Variants in ZFHX3 observed in about 807,000 individuals in gnomAD.
ZFHX3 encodes the protein zinc finger homeobox 3.
Under a neutral mutation model 279.1 loss-of-function variants are expected in ZFHX3, and 42 were observed. The ratio of observed to expected loss-of-function variants is 0.15; its 90% confidence interval spans 0.12 to 0.19. The LOEUF is 0.19. ZFHX3 is among the 10% of genes least tolerant of loss of function. The pLI is 1.00. For missense variants in ZFHX3, 4,981 were observed against 4,754.0 expected, an observed-to-expected ratio of 1.05 and a Z score of -1.40; for synonymous variants, 2,293 against 1,957.8, an observed-to-expected ratio of 1.17 and a Z score of -4.52.
In ZFHX3 at chr16:72,993,883, G is replaced by A. The variant is rs539831224; in HGVS notation, c.-49-33689C>T. ...TGCTGCCCGATCCCCCAATGCATTC[G>A]GGGCTGTAGAGACTCTCTGGGTTGA... On this transcript the variant is annotated intron_variant, in intron 1 of 9. Coordinates refer to ENST00000268489, the MANE Select transcript of ZFHX3 (RefSeq NM_006885.4). 2.2e-4 allele frequency among the ~76,000 whole-genome samples: 34 copies of A among 152,138 alleles called. No individual in the cohort carries two copies. The South Asian group carries it at 6.0e-3, about 27-fold the overall frequency.
chr16:73,494,860 G>A (rs1029625982), intron 2 of ZFHX3, among the ~76,000 whole-genome samples: 6 of 152,018 alleles, frequency 3.9e-5, no homozygotes, highest in African/African-American at 4.8e-5. Flanking sequence ...GAGCCTCTGC[G>A]CCCGGCAAAA....
At chr16:73,112,811 C>A (rs911996181) in intron 7 of ZFHX3, among the ~76,000 whole-genome samples, 1 of 151,200 alleles carries the variant, frequency 6.6e-6, no homozygotes, top group Non-Finnish European at 1.5e-5. Flanking sequence ...GCAGCCCAGA[C>A]CCCACCCACA....
At chr16:73,107,677 G>T (rs1047870326) in intron 7 of ZFHX3, among the ~76,000 whole-genome samples, 1 of 152,182 alleles carries the variant, frequency 6.6e-6, no homozygotes, top group African/African-American at 2.4e-5. Flanking sequence ...AGCACCACGC[G>T]TATTTGGTTT....
chr16:73,195,695 G>T (rs1020490596), intron 5 of ZFHX3, among the ~76,000 whole-genome samples: 1 of 152,152 alleles, frequency 6.6e-6, no homozygotes, highest in African/African-American at 2.4e-5. Flanking sequence ...GGGATTACAG[G>T]CGTGAGCCAC....
chr16:72,802,739 G>A (rs770743621), intron 7 of ZFHX3, among the ~76,000 whole-genome samples: 25 of 152,162 alleles, frequency 1.6e-4, no homozygotes, highest in Non-Finnish European at 3.5e-4. Flanking sequence ...AGGGCCCCAT[G>A]TCAGTTCTCA....
intron 2 of ZFHX3, among the ~76,000 whole-genome samples, chr16:73,542,054 C>T (rs1001450268): frequency 3.3e-5 from 5 of 152,136 alleles, no homozygotes; most frequent in Admixed American, 3.3e-4. Context: ...CCCACCTCGG[C>T]CTCCCAAAAT....
At chr16:73,085,985 C>CAAAAAAAAAAAAAAAAAAAAAAAATA (rs57128744) in intron 8 of ZFHX3, among the ~76,000 whole-genome samples, 1 of 54,228 alleles carries the variant, frequency 1.8e-5, no homozygotes, top group African/African-American at 6.1e-5. Context: ...AACTCAATTG[C>CAAAAAAAAAAAAAAAAAAAAAAAATA]AAAAAAAAAA....
At chr16:73,215,765 T>C (rs766118942) in intron 5 of ZFHX3, among the ~76,000 whole-genome samples, 16 of 152,218 alleles carry the variant, frequency 1.1e-4, no homozygotes, top group Non-Finnish European at 1.9e-4. Context: ...CCTGTGACTT[T>C]GTGGTTCTTT....
At position 73,449,882 on chromosome 16, in the gene ZFHX3, CAAAA is replaced by C. The variant is rs141005043; in HGVS notation, c.-1291+6117_-1291+6120del. Among the ~76,000 whole-genome samples, 7 of 149,828 alleles carry C rather than the reference CAAAA, an allele frequency of 4.7e-5. No homozygotes were observed. The South Asian group carries it at 1.5e-3, about 32-fold the overall frequency. The stretch of plus-strand genomic sequence containing the variant: ...AGATTGTTTCAGAACTATATTCTGG[CAAAA>C]AAAAATGTTTTCTTCTGAGGATCAG... On this transcript the variant is annotated intron_variant, in intron 3 of 17. Coordinates refer to the ZFHX3 transcript ENST00000641206.
chr16:73,026,084 C>T (rs189123703), intron 1 of ZFHX3, among the ~76,000 whole-genome samples: 15 of 151,848 alleles, frequency 9.9e-5, no homozygotes, highest in African/African-American at 2.9e-4. Context: ...CAGTGGCTCA[C>T]GCTTGTAATC....
At chr16:72,868,240 TTGA>T (rs1214376370) in intron 4 of ZFHX3, among the ~76,000 whole-genome samples, 2 of 152,340 alleles carry the variant, frequency 1.3e-5, no homozygotes, top group South Asian at 2.1e-4. Flanking sequence ...ATGTGTGGTT[TTGA>T]TGATAACATC....
At chr16:73,152,760 TA>T (rs1244368235) in intron 5 of ZFHX3, among the ~76,000 whole-genome samples, 424 of 33,932 alleles carry the variant, frequency 0.012, 1 homozygote, top group Middle Eastern at 0.089. Flanking sequence ...ATGAGTTGCT[TA>T]AAAAAAAAAA....
intron 4 of ZFHX3, among the ~76,000 whole-genome samples, chr16:73,290,050 C>T (rs2014729798): frequency 4.4e-5 from 4 of 90,132 alleles, no homozygotes; most frequent in East Asian, 2.9e-4. Context: ...CACACACACA[C>T]ATATAGACAT....
At chr16:72,992,198 A>C (rs1963119249) in intron 1 of ZFHX3, among the ~76,000 whole-genome samples, 1 of 152,070 alleles carries the variant, frequency 6.6e-6, no homozygotes, top group South Asian at 2.1e-4. Context: ...CCAAAATGAA[A>C]GCGTTTCTCC....
At chr16:73,078,304 C>T (rs551834774) in intron 8 of ZFHX3, among the ~76,000 whole-genome samples, 3 of 152,246 alleles carry the variant, frequency 2.0e-5, no homozygotes, top group East Asian at 1.9e-4. Context: ...GAGACAACCT[C>T]GAAGTCAAAG....
chr16:73,392,250 T>C (rs543630398), intron 3 of ZFHX3, among the ~76,000 whole-genome samples: 1 of 151,440 alleles, frequency 6.6e-6, no homozygotes, highest in Non-Finnish European at 1.5e-5. Context: ...TAAAACCCCA[T>C]CTCTACCCAA....
Position 73,656,764 on chromosome 16 carries a change from A to C in ZFHX3, c.-1547+23416T>G, listed in dbSNP as rs1327995290. The stretch of plus-strand genomic sequence containing the variant: ...ATTCAAATTTAAACAAGAAAGACTT[A>C]GTCCTATATACATAAAAATAACAAT... On this transcript the variant is annotated intron_variant, in intron 2 of 17. Coordinates refer to the ZFHX3 transcript ENST00000641206. Among the ~76,000 whole-genome samples, 4 of 152,262 alleles carry C rather than the reference A, an allele frequency of 2.6e-5. No individual in the cohort carries two copies. In the East Asian group the frequency reaches 7.7e-4, roughly 29 times the overall value.
At chr16:73,763,320 G>A (rs1403151495) in intron 1 of ZFHX3, among the ~76,000 whole-genome samples, 1 of 152,164 alleles carries the variant, frequency 6.6e-6, no homozygotes, top group Non-Finnish European at 1.5e-5. Flanking sequence ...TTGAAAAACA[G>A]AATGTAACTA....
intron 4 of ZFHX3, among the ~76,000 whole-genome samples, chr16:72,839,177 G>A (rs758385647): frequency 3.3e-5 from 5 of 151,746 alleles, no homozygotes; most frequent in Admixed American, 2.0e-4. Context: ...GGAAATAATC[G>A]CAGGCCCATC....
Sources: allele counts gnomAD v4.1 joint callset (sites outside exome capture counted in the v4.1 genomes callset), GRCh38; gene constraint gnomAD v4.1.1; transcripts MANE v1.5; gene names NCBI Gene and HGNC (gene_info 2026-07-23, HGNC 2026-07-21).